The following MTA3 variants were observed in gnomAD, a reference collection of about 807,000 sequenced individuals.
MTA3 encodes metastasis associated 1 family member 3, also known as metastasis-associated protein MTA3.
MTA3 carries 34 observed loss-of-function variants against 83.5 expected under a neutral mutation model. That is an observed-to-expected ratio of 0.41 (90% CI 0.31 to 0.54). The LOEUF is 0.54. MTA3 is among the 20% of genes least tolerant of loss of function. The pLI is 0.33. For missense variants in MTA3, 761 were observed against 726.4 expected, an observed-to-expected ratio of 1.05 and a Z score of -0.55; for synonymous variants, 303 against 252.7, an observed-to-expected ratio of 1.20 and a Z score of -1.89.
intron 3 of MTA3, among the ~76,000 whole-genome samples, chr2:42,588,531 C>G (rs1680600307): frequency 6.6e-6 from 1 of 152,060 alleles, no homozygotes; most frequent in Non-Finnish European, 1.5e-5. Flanking sequence ...TTCAGTTTTG[C>G]TAGAAGCAGA....
At chr2:42,582,750 TA>T (rs1276782418) in intron 3 of MTA3, among the ~76,000 whole-genome samples, 1 of 152,220 alleles carries the variant, frequency 6.6e-6, no homozygotes, top group Non-Finnish European at 1.5e-5. Context: ...TTGTCTATTT[TA>T]GGATTGGGTA....
chr2:42,520,935 T>C (rs185637163), intron 2 of MTA3, among the ~76,000 whole-genome samples: 20 of 152,274 alleles, frequency 1.3e-4, no homozygotes, highest in Non-Finnish European at 2.9e-5. Context: ...TTCTCGACTT[T>C]GATAAATATC....
rs199818073 is a variant in MTA3, at chr2:42,603,937, T to TA, written c.191-5520dup. Among the ~76,000 whole-genome samples, 1,067 of 152,306 alleles carry TA rather than the reference T, an allele frequency of 7.0e-3. 26 individuals carry two copies. Among genetic ancestry groups the TA allele is most frequent in the Non-Finnish European group, 4.8e-3 (327 of 68,020 alleles). On this transcript the variant is annotated intron_variant, in intron 3 of 16. Transcript: ENST00000405094. ...GGCTAATTTTTCTATTTTTAGTAGA[T>TA]ACGGAGCTTCATTGTGTTAGCCAGG...
At chr2:42,697,883 C>A in intron 11 of MTA3, 49 bp downstream of exon 11, 1 of 1,309,672 alleles carries the variant, frequency 7.6e-7, no homozygotes, top group Non-Finnish European at 1.0e-6. Flanking sequence ...TTAATTTTAT[C>A]ATTGCAGAAT....
In MTA3 at chr2:42,634,348, G is replaced by A. The variant is rs1395822130; in HGVS notation, c.318-5825G>A. Among the ~76,000 whole-genome samples, 3 of 152,196 alleles carry A rather than the reference G, an allele frequency of 2.0e-5. No individual in the cohort carries two copies. In the East Asian group the frequency reaches 5.8e-4, roughly 29 times the overall value. ...AGAACTACCCGAGACTGGGTAATTTGTAAGGAAAAGACTTTTAATTGATTC... is the reference window on the plus strand; with the variant it reads ...AGAACTACCCGAGACTGGGTAATTTATAAGGAAAAGACTTTTAATTGATTC... On this transcript the variant is annotated intron_variant, in intron 4 of 16. Transcript: ENST00000405094.
rs767208078 is a variant in MTA3, at chr2:42,682,418, A to G, written c.720A>G (p.Thr240=). Residue 240 remains threonine (T), a synonymous_variant, in exon 9 of 17, where the codon ACA becomes ACG. Transcript: ENST00000405094. ...RDITLFHAMD[T]LYRHSYDLSS... The stretch of plus-strand genomic sequence containing the variant: ...TTCTTTAGTTTCACGCTATGGATAC[A>G]TTGTATAGACACAGCTATGATTTGA... 2 of 1,603,882 alleles carry G rather than the reference A, an allele frequency of 1.2e-6. No individual in the cohort carries two copies. The highest frequency in any genetic ancestry group is 1.1e-5 in the South Asian group (1 of 89,322).
At chr2:42,676,364 A>T (rs576134155) in intron 8 of MTA3, among the ~76,000 whole-genome samples, 1 of 152,384 alleles carries the variant, frequency 6.6e-6, no homozygotes, top group African/African-American at 2.4e-5. Flanking sequence ...CTCATTTAAC[A>T]TGAACACAAA....
At chr2:42,599,492 A>C (rs1286282768) in intron 3 of MTA3, among the ~76,000 whole-genome samples, 1 of 151,964 alleles carries the variant, frequency 6.6e-6, no homozygotes, top group Non-Finnish European at 1.5e-5. Flanking sequence ...CAGGAGGGTG[A>C]GGTAGGAGAA....
At chr2:42,516,879 C>T (rs1444887194) in intron 2 of MTA3, among the ~76,000 whole-genome samples, 1 of 152,170 alleles carries the variant, frequency 6.6e-6, no homozygotes, top group African/African-American at 2.4e-5. Flanking sequence ...CGTCACAGCA[C>T]TTTGAGAGGC....
At chr2:42,719,693 G>A (rs1667269747) in intron 15 of MTA3, among the ~76,000 whole-genome samples, 1 of 152,032 alleles carries the variant, frequency 6.6e-6, no homozygotes, top group South Asian at 2.1e-4. Context: ...TATAGTTTTG[G>A]TGTGCTTTAG....
intron 8 of MTA3, among the ~76,000 whole-genome samples, chr2:42,663,934 C>T (rs542854380): frequency 1.8e-4 from 28 of 151,942 alleles, no homozygotes; most frequent in Non-Finnish European, 3.7e-4. Context: ...TATTTATTAC[C>T]GTAATTATTT....
At chr2:42,541,548 A>T (rs1676516997) in intron 2 of MTA3, among the ~76,000 whole-genome samples, 1 of 152,080 alleles carries the variant, frequency 6.6e-6, no homozygotes, top group Non-Finnish European at 1.5e-5. Context: ...CCAACTGTAG[A>T]CTACTATGTG....
intron 2 of MTA3, among the ~76,000 whole-genome samples, chr2:42,542,103 G>A (rs572318407): frequency 7.2e-5 from 11 of 152,270 alleles, no homozygotes; most frequent in African/African-American, 1.9e-4. Flanking sequence ...TTGCAAATGG[G>A]TTTGCTCTAT....
chr2:42,732,897 G>A (rs1174974807), intron 16 of MTA3, among the ~76,000 whole-genome samples: 2 of 152,094 alleles, frequency 1.3e-5, no homozygotes, highest in Admixed American at 6.6e-5. Context: ...TCCAGTTCCC[G>A]AGTTCCTCAT....
rs761498285 is a variant in MTA3 at position 42,709,145 on chromosome 2, T to G, written c.1525+49T>G. 6 of 1,524,648 alleles carry G rather than the reference T, an allele frequency of 3.9e-6. No homozygotes were observed. The South Asian group carries it at 6.3e-5, about 16-fold the overall frequency. 94.4% of individuals were successfully genotyped at this position (1,524,648 alleles called of 1,614,324 possible). ...CCTTATATGTTGTGCTTCTGACCAT[T>G]TTCTCTTTTCCTCTCTTTCCTTTTT... On this transcript the variant is annotated intron_variant, in intron 14 of 16. Transcript: ENST00000405094.
Position 42,704,283 on chromosome 2 carries a change from A to G in MTA3, c.1115A>G (p.Asn372Ser). 1 of 1,613,954 alleles carries G rather than the reference A, an allele frequency of 6.2e-7. No homozygotes were observed. Among genetic ancestry groups the G allele is most frequent in the Non-Finnish European group, 8.5e-7 (1 of 1,179,852 alleles). The change falls in exon 12 of 17, where the codon AAT becomes AGT. Residue 372 changes from asparagine to serine, a missense_variant. Asn to Ser is a conservative substitution (Grantham distance 46, BLOSUM62 1). Coordinates refer to ENST00000405094, the MANE Select transcript of MTA3 (RefSeq NM_001330442.2). The part of the protein sequence containing the change: ...GAVGTTFQPQ[N>S]PLLGRACESC... ...GTGGGGACCACGTTCCAGCCTCAGA[A>G]TCCTCTCTTAGGGAGAGCCTGTGAG... is the stretch of plus-strand genomic sequence containing the variant.
intron 8 of MTA3, among the ~76,000 whole-genome samples, chr2:42,663,701 G>A (rs562067717): frequency 6.6e-6 from 1 of 152,258 alleles, no homozygotes; most frequent in East Asian, 1.9e-4. Flanking sequence ...GAAGTTCGAG[G>A]CTGCAGTGAG....
Position 42,705,525 on chromosome 2 carries a change from T to C in MTA3, c.1150+1207T>C, listed in dbSNP as rs369801158. On this transcript the variant is annotated intron_variant, in intron 12 of 16. Transcript: ENST00000405094. ...TTCGAGACCAGCCTGGCCAACATGGTGAAACCCCGTCTCTACTAAAAATAC... is the reference window on the plus strand; with the variant it reads ...TTCGAGACCAGCCTGGCCAACATGGCGAAACCCCGTCTCTACTAAAAATAC... Among the ~76,000 whole-genome samples the C allele has an allele frequency of 6.0e-4, 92 of 152,176 alleles. No homozygotes were observed. In the South Asian group the frequency reaches 7.1e-3, roughly 12 times the overall value.
At chr2:42,500,613 T>C (rs561646215) in intron 2 of MTA3, among the ~76,000 whole-genome samples, 12 of 152,244 alleles carry the variant, frequency 7.9e-5, no homozygotes, top group African/African-American at 2.4e-4. Context: ...GCAAGAAATA[T>C]GTGTAAGGGA....
Sources: gnomAD v4.1 joint callset for allele counts (sites outside exome capture counted in the v4.1 genomes callset) on GRCh38, gnomAD v4.1.1 for gene constraint, MANE v1.5 for transcripts, NCBI Gene and HGNC (gene_info 2026-07-23, HGNC 2026-07-21) for gene names.